GET3: variants seen among roughly 807,000 people sequenced by gnomAD.
GET3 encodes ATPase GET3.
Under a neutral mutation model 32.4 loss-of-function variants are expected in GET3, and 15 were observed. The ratio of observed to expected loss-of-function variants is 0.46; its 90% CI spans 0.31 to 0.71. The LOEUF (loss-of-function observed/expected upper bound fraction) is 0.71. Ranked by LOEUF, GET3 falls within the 30% of genes least tolerant of loss-of-function variation. The pLI is 0.05. For missense variants in GET3, 333 were observed against 459.0 expected (o/e 0.73, Z 2.51); for synonymous variants, 198 against 185.6 (o/e 1.07, Z -0.54).
intron 2 of GET3, among the ~76,000 whole-genome samples, chr19:12,744,735 C>T (rs1967738342): frequency 6.6e-6 from 1 of 152,278 alleles, no homozygotes; most frequent in Non-Finnish European, 1.5e-5. Flanking sequence ...GACATTCCTG[C>T]TATGGAGACA....
Position 12,747,343 on chromosome 19 carries a change from C to T in GET3, c.717+39C>T. 6.2e-7 allele frequency: 1 copy of T among 1,610,938 alleles called. No individual in the cohort carries two copies. The highest frequency in any genetic ancestry group is 8.5e-7 in the Non-Finnish European group (1 of 1,177,542). ...TGGCTGGCGGTGAGAGGCCCGGGGG[C>T]TGAGGACAGGGGCAGACCCCGCCCC... On this transcript the variant is annotated intron_variant, in intron 5 of 6. Coordinates refer to ENST00000357332, the MANE Select transcript of GET3 (RefSeq NM_004317.4). The surrounding 1 kb of genome is among the most constrained non-coding windows in gnomAD (Gnocchi z 4.0).
At chr19:12,742,893 G>C (rs1967696323) in intron 2 of GET3, among the ~76,000 whole-genome samples, 1 of 152,150 alleles carries the variant, frequency 6.6e-6, no homozygotes, top group Non-Finnish European at 1.5e-5. Context: ...GAAGTAACCA[G>C]AGTGGGGGAT....
Position 12,737,546 on chromosome 19 carries a change from A to T in GET3, c.41A>T (p.Glu14Val), listed in dbSNP as rs1425350127. 1 of 1,598,448 alleles carries T rather than the reference A, an allele frequency of 6.3e-7. No homozygotes were observed. Among genetic ancestry groups the T allele is most frequent in the Admixed American group, 1.7e-5 (1 of 57,654 alleles). Reference protein sequence around the residue: ...GVAGWGVEAEEFEDAPDVEPL... With the variant: ...GVAGWGVEAEVFEDAPDVEPL... ...GCCGGGTGGGGGGTTGAGGCAGAGGAGTTCGAAGATGCTCCTGATGTGGAG... is the reference window on the plus strand; with the variant it reads ...GCCGGGTGGGGGGTTGAGGCAGAGGTGTTCGAAGATGCTCCTGATGTGGAG... The change falls in exon 1 of 7, where the codon GAG becomes GTG. Residue 14 changes from glutamate to valine, a missense_variant. Glu to Val is a moderately radical substitution (Grantham distance 121). Around this residue, in one of 3 missense-constraint regions of GET3, gnomAD observed 64 missense variants for 36.7 expected, o/e 1.74. Coordinates refer to ENST00000357332, the MANE Select transcript of GET3 (RefSeq NM_004317.4).
Position 12,745,564 on chromosome 19 carries a change from A to C in GET3, c.458+39A>C. The C allele has an allele frequency of 6.2e-7, 1 of 1,612,250 alleles. No individual in the cohort carries two copies. The highest frequency in any genetic ancestry group is 8.5e-7 in the Non-Finnish European group (1 of 1,179,938). On this transcript the variant is annotated intron_variant, in intron 3 of 6. Transcript: ENST00000357332. This position sits in a 1 kb window ranked among gnomAD's most constrained non-coding sequence, Gnocchi z 5.0. ...AGCAGGGGTGGGGGCTGCCTGGGGA[A>C]GGGGAAGAGCGGACACAGAGGGCCT...
chr19:12,745,910 C>A lies in GET3; in HGVS notation c.609+151C>A. On this transcript the variant is annotated intron_variant, in intron 4 of 6. Transcript: ENST00000357332. This position sits in a 1 kb window ranked among gnomAD's most constrained non-coding sequence, Gnocchi z 5.0. ...TCTCCCTGGAGGGGATGGGACGGAG[C>A]TGTCTTTCCTCCCCCACAGGCAGGA... The A allele has an allele frequency of 8.8e-7, 1 of 1,140,476 alleles. No homozygotes were observed. Among genetic ancestry groups the A allele is most frequent in the Non-Finnish European group, 1.2e-6 (1 of 829,344 alleles). 70.6% of individuals were successfully genotyped at this position (1,140,476 alleles called of 1,614,324 possible).
chr19:12,738,058 G>A (rs1967605853), intron 1 of GET3, among the ~76,000 whole-genome samples: 1 of 152,146 alleles, frequency 6.6e-6, no homozygotes, highest in Non-Finnish European at 1.5e-5. Context: ...GAAAGCGAGG[G>A]AGAGAGCACG....
At chr19:12,744,219 G>GA (rs59206366) in intron 2 of GET3, among the ~76,000 whole-genome samples, 197 of 126,648 alleles carry the variant, frequency 1.6e-3, no homozygotes, top group Admixed American at 2.3e-3. Context: ...TCCATCTCGG[G>GA]AAAAAAAAAA....
upstream of GET3, chr19:12,737,190 T>C (rs1967584365): frequency 4.4e-6 from 1 of 226,210 alleles, no homozygotes; most frequent in Non-Finnish European, 8.6e-6. Flanking sequence ...TAAGAGTGAT[T>C]GGTGTAAGTA....
chr19:12,747,692 TG>T lies in GET3; in HGVS notation c.915+101del. The T allele has an allele frequency of 1.4e-6, 2 of 1,385,600 alleles. No homozygotes were observed. Among genetic ancestry groups the T allele is most frequent in the Non-Finnish European group, 2.0e-6 (2 of 1,022,210 alleles). 85.8% of individuals were successfully genotyped at this position (1,385,600 alleles called of 1,614,324 possible). On this transcript the variant is annotated intron_variant, in intron 6 of 6. Coordinates refer to ENST00000357332, the MANE Select transcript of GET3 (RefSeq NM_004317.4). This position sits in a 1 kb window ranked among gnomAD's most constrained non-coding sequence, Gnocchi z 4.0. ...TCTGGCCCTCTGCCCTCTAGCCTCC[TG>T]CCCTTTGCCCCCACATTTCAGATCC...
chr19:12,747,244 C>T lies in GET3; in HGVS notation c.657C>T (p.Ala219=). The T allele has an allele frequency of 6.2e-7, 1 of 1,612,068 alleles. No homozygotes were observed. The highest frequency in any genetic ancestry group is 8.5e-7 in the Non-Finnish European group (1 of 1,178,894). Reference sequence around the variant, plus strand: ...GGGACATGAACGCAGACCAGCTGGCCTCCAAGCTGGAGGAGACGCTGCCCG... The same window carrying T: ...GGGACATGAACGCAGACCAGCTGGCTTCCAAGCTGGAGGAGACGCTGCCCG... ...GLGDMNADQL[A]SKLEETLPVI... The change falls in exon 5 of 7, where the codon GCC becomes GCT. Residue 219 remains alanine, a synonymous_variant. Transcript: ENST00000357332. This position sits in a 1 kb window ranked among gnomAD's most constrained non-coding sequence, Gnocchi z 4.0.
intron 4 of GET3, among the ~76,000 whole-genome samples, chr19:12,746,648 T>C (rs1967777129): frequency 6.6e-6 from 1 of 151,746 alleles, no homozygotes; most frequent in Admixed American, 6.6e-5. Context: ...ATCTGGGAGG[T>C]AAAGTTTAGA....
chr19:12,743,401 T>C (rs1242089519), intron 2 of GET3, among the ~76,000 whole-genome samples: 1 of 151,430 alleles, frequency 6.6e-6, no homozygotes. Context: ...ACTTGAACCC[T>C]GGAGGCGGAG....
chr19:12,747,780 G>C lies in GET3; in HGVS notation c.915+188G>C, dbSNP rs868807638. Among the ~76,000 whole-genome samples the C allele has an allele frequency of 6.6e-5, 10 of 152,286 alleles. No individual in the cohort carries two copies. The highest frequency in any genetic ancestry group is 2.1e-4 in the South Asian group (1 of 4,824). On this transcript the variant is annotated intron_variant, in intron 6 of 6. Coordinates refer to ENST00000357332, the MANE Select transcript of GET3 (RefSeq NM_004317.4). This position sits in a 1 kb window ranked among gnomAD's most constrained non-coding sequence, Gnocchi z 4.0. ...CCTGGCCTAGGTCCCTGTGACCCTG[G>C]AGAGCAGGGGGTCTAGCCCAGTGAT...
intron 2 of GET3, among the ~76,000 whole-genome samples, chr19:12,739,951 T>G (rs1014035982): frequency 6.7e-6 from 1 of 150,152 alleles, no homozygotes. Flanking sequence ...AAGGCTAAGG[T>G]AGGAGAATCG....
chr19:12,747,705 C>G lies in GET3; in HGVS notation c.915+113C>G. ...CCTCTAGCCTCCTGCCCTTTGCCCCCACATTTCAGATCCTTCACCCTTATT... is the reference window on the plus strand; with the variant it reads ...CCTCTAGCCTCCTGCCCTTTGCCCCGACATTTCAGATCCTTCACCCTTATT... On this transcript the variant is annotated intron_variant, in intron 6 of 6. Transcript: ENST00000357332. The surrounding 1 kb of genome is among the most constrained non-coding windows in gnomAD (Gnocchi z 4.0). 3 of 1,333,334 alleles carry G rather than the reference C, an allele frequency of 2.3e-6. No homozygotes were observed. Among genetic ancestry groups the G allele is most frequent in the South Asian group, 2.7e-5 (2 of 73,660 alleles). 82.6% of individuals were successfully genotyped at this position (1,333,334 alleles called of 1,614,324 possible).
At chr19:12,737,824 C>G (rs765633007) in intron 1 of GET3, among the ~76,000 whole-genome samples, 158 bp downstream of exon 1, 34 of 152,114 alleles carry the variant, frequency 2.2e-4, no homozygotes, top group Non-Finnish European at 4.1e-4. Context: ...ATGAGAAAGA[C>G]CTCAATGCAG....
intron 2 of GET3, among the ~76,000 whole-genome samples, chr19:12,743,898 T>G (rs1391993688): frequency 2.9e-5 from 4 of 140,192 alleles, no homozygotes; most frequent in Non-Finnish European, 4.6e-5. Context: ...CCCGGCTAAT[T>G]TTTTGTATTT....
chr19:12,743,900 T>TC (rs1475688162), intron 2 of GET3, among the ~76,000 whole-genome samples: 1 of 146,458 alleles, frequency 6.8e-6, no homozygotes, highest in African/African-American at 2.5e-5. Context: ...CGGCTAATTT[T>TC]TTGTATTTTT....
intron 2 of GET3, among the ~76,000 whole-genome samples, chr19:12,740,821 C>A (rs564846982): frequency 1.4e-4 from 21 of 152,276 alleles, no homozygotes; most frequent in South Asian, 4.1e-4. Context: ...GGGAGGGAAA[C>A]AGGAGGAATT....
Sources: allele counts gnomAD v4.1 joint callset (sites outside exome capture counted in the v4.1 genomes callset), GRCh38; gene constraint gnomAD v4.1.1; regional missense constraint gnomAD v4.1.1; non-coding constraint Gnocchi (gnomAD v3.1); transcripts MANE v1.5; gene names NCBI Gene and HGNC (gene_info 2026-07-23, HGNC 2026-07-21).